The following TMEM117 variants were observed in gnomAD, a reference collection of about 807,000 sequenced individuals.
TMEM117 encodes transmembrane protein 117.
Under a neutral mutation model 52.4 loss-of-function variants are expected in TMEM117, and 27 were observed. The ratio of observed to expected loss-of-function variants is 0.51; its 90% CI spans 0.38 to 0.71. TMEM117 has a LOEUF of 0.71. Ranked by LOEUF, TMEM117 falls within the 30% of genes least tolerant of loss-of-function variation. The pLI, the probability that TMEM117 is intolerant of heterozygous loss-of-function variation, is 0.00. For synonymous variants in TMEM117, 215 were observed against 206.3 expected (o/e 1.04, Z -0.36); for missense variants, 556 against 630.5 (o/e 0.88, Z 1.26).
intron 3 of TMEM117, among the ~76,000 whole-genome samples, chr12:43,976,480 A>G (rs554230866): frequency 6.6e-6 from 1 of 152,220 alleles, no homozygotes; most frequent in African/African-American, 2.4e-5. Context: ...ATTTGTGGGT[A>G]ATAAACATTG....
At chr12:43,952,437 A>T (rs1255873667) in intron 3 of TMEM117, among the ~76,000 whole-genome samples, 4 of 152,114 alleles carry the variant, frequency 2.6e-5, no homozygotes, top group Non-Finnish European at 5.9e-5. Flanking sequence ...CAGTCTGTAG[A>T]GGAACATAAA....
intron 3 of TMEM117, among the ~76,000 whole-genome samples, chr12:43,965,611 G>T (rs570643922): frequency 6.6e-6 from 1 of 152,254 alleles, no homozygotes; most frequent in South Asian, 2.1e-4. Flanking sequence ...TTGTATCCTT[G>T]CCAAATGTAT....
chr12:43,952,682 A>G (rs1021768666), intron 3 of TMEM117, among the ~76,000 whole-genome samples: 4 of 152,236 alleles, frequency 2.6e-5, no homozygotes, highest in African/African-American at 9.6e-5. Context: ...AGTACCTGAA[A>G]GAGATGGGGA....
chr12:43,909,349 T>TTAC (rs1360499464), intron 2 of TMEM117, among the ~76,000 whole-genome samples: 16 of 54,208 alleles, frequency 3.0e-4, no homozygotes, highest in African/African-American at 5.8e-4. Context: ...TTCAAAGCAG[T>TTAC]GTGTAGAGGG....
At chr12:44,213,165 A>G (rs527368234) in intron 5 of TMEM117, among the ~76,000 whole-genome samples, 51 of 152,332 alleles carry the variant, frequency 3.3e-4, no homozygotes, top group Admixed American at 2.8e-3. Flanking sequence ...GCAGCAGGCC[A>G]AAGACTTTAC....
chr12:44,320,080 C>T (rs999446113), intron 6 of TMEM117, among the ~76,000 whole-genome samples: 1 of 152,214 alleles, frequency 6.6e-6, no homozygotes, highest in Non-Finnish European at 1.5e-5. Context: ...CCAGCTCTAT[C>T]CACCTGGATG....
intron 3 of TMEM117, among the ~76,000 whole-genome samples, chr12:44,087,656 G>A (rs1220921880): frequency 6.6e-6 from 1 of 152,008 alleles, no homozygotes; most frequent in East Asian, 1.9e-4. Context: ...GTAGGGTTGG[G>A]GTGTTGCTAT....
At chr12:44,228,765 C>T (rs1949896514) in intron 5 of TMEM117, among the ~76,000 whole-genome samples, 1 of 151,942 alleles carries the variant, frequency 6.6e-6, no homozygotes, top group Non-Finnish European at 1.5e-5. Context: ...AAAAAAAGGC[C>T]AGCATATCCT....
intron 3 of TMEM117, among the ~76,000 whole-genome samples, chr12:44,090,567 G>A (rs1947648911): frequency 6.6e-6 from 1 of 151,884 alleles, no homozygotes; most frequent in Non-Finnish European, 1.5e-5. Context: ...CTCCCGAGTA[G>A]CTGGGATTAC....
upstream of TMEM117, among the ~76,000 whole-genome samples, chr12:43,835,709 C>G (rs570664076): frequency 3.3e-5 from 5 of 152,270 alleles, no homozygotes; most frequent in South Asian, 1.0e-3. Context: ...TTCTGTCAGC[C>G]GCCCCCCAAC....
chr12:44,085,072 A>G (rs1325822591), intron 3 of TMEM117, among the ~76,000 whole-genome samples: 3 of 152,188 alleles, frequency 2.0e-5, no homozygotes, highest in East Asian at 3.9e-4. Context: ...GTGATTTTGT[A>G]TTGTTAGAAA....
intron 3 of TMEM117, among the ~76,000 whole-genome samples, chr12:44,058,840 T>TC (rs766326726): frequency 1.2e-4 from 19 of 152,212 alleles, no homozygotes; most frequent in Non-Finnish European, 2.2e-4. Context: ...ATCAGAGAAA[T>TC]CAACTGAAAG....
intron 6 of TMEM117, among the ~76,000 whole-genome samples, chr12:44,349,820 G>GTAC (rs1429514219): frequency 6.6e-6 from 1 of 151,988 alleles, no homozygotes; most frequent in Admixed American, 6.6e-5. Flanking sequence ...ACTGTACCAT[G>GTAC]TACTAGAAAC....
chr12:43,876,921 T>A (rs894044975), intron 2 of TMEM117, among the ~76,000 whole-genome samples: 34 of 152,318 alleles, frequency 2.2e-4, no homozygotes, highest in African/African-American at 7.5e-4. Flanking sequence ...GACATGTAAT[T>A]AATTTTTCTT....
intron 3 of TMEM117, among the ~76,000 whole-genome samples, chr12:44,031,392 C>T (rs1265713557): frequency 6.6e-6 from 1 of 152,116 alleles, no homozygotes; most frequent in African/African-American, 2.4e-5. Context: ...TGTTTTGGTC[C>T]TCTTTACAAG....
At chr12:43,966,114 G>A (rs1945481205) in intron 3 of TMEM117, among the ~76,000 whole-genome samples, 1 of 152,084 alleles carries the variant, frequency 6.6e-6, no homozygotes, top group Admixed American at 6.5e-5. Flanking sequence ...AGTATTCCAT[G>A]GTATATGTGT....
chr12:44,389,920 G>A (rs1052166168), downstream of TMEM117, among the ~76,000 whole-genome samples: 1 of 151,980 alleles, frequency 6.6e-6, no homozygotes, highest in Non-Finnish European at 1.5e-5. Flanking sequence ...TCTTGAGGGG[G>A]TGAGGGAGAT....
At chr12:43,968,939 T>G (rs1014034701) in intron 3 of TMEM117, among the ~76,000 whole-genome samples, 2 of 152,176 alleles carry the variant, frequency 1.3e-5, no homozygotes, top group African/African-American at 4.8e-5. Context: ...GACACGCGGA[T>G]TTATGTGCAT....
At chr12:44,196,063 G>A (rs1488346387) in intron 4 of TMEM117, among the ~76,000 whole-genome samples, 3 of 151,866 alleles carry the variant, frequency 2.0e-5, no homozygotes, top group African/African-American at 7.3e-5. Context: ...CTCCAGCCTG[G>A]GCAACAGAGC....
Sources: allele counts gnomAD v4.1 joint callset (sites outside exome capture counted in the v4.1 genomes callset), GRCh38; gene constraint gnomAD v4.1.1; transcripts MANE v1.5; gene names NCBI Gene and HGNC (gene_info 2026-07-23, HGNC 2026-07-21).